The following CDH4 variants were observed in gnomAD, a reference collection of about 807,000 sequenced individuals.
CDH4 encodes the protein cadherin 4.
CDH4 carries 33 observed loss-of-function variants against 86.0 expected under a neutral mutation model. The ratio of observed to expected loss-of-function variants is 0.38; its 90% CI spans 0.29 to 0.51. CDH4 has a LOEUF of 0.51. CDH4 is among the 20% of genes least tolerant of loss of function. The pLI is 0.86. For synonymous variants in CDH4, 555 were observed against 549.4 expected (o/e 1.01, Z -0.14); for missense variants, 1,114 against 1,307.4 (o/e 0.85, Z 2.28).
chr20:61,635,113 C>A (rs879676196), intron 2 of CDH4, among the ~76,000 whole-genome samples: 17 of 152,204 alleles, frequency 1.1e-4, no homozygotes, highest in Non-Finnish European at 2.2e-4. Context: ...GGGGTGCAGA[C>A]CTCTCTTCGG....
chr20:61,624,632 C>T (rs2086811645), intron 2 of CDH4, among the ~76,000 whole-genome samples: 1 of 152,156 alleles, frequency 6.6e-6, no homozygotes, highest in South Asian at 2.1e-4. Flanking sequence ...ATGACAGGGA[C>T]AAAGAGAGGA....
chr20:61,692,203 GTATGTC>G (rs1265016630), intron 2 of CDH4, among the ~76,000 whole-genome samples: 1 of 149,148 alleles, frequency 6.7e-6, no homozygotes, highest in African/African-American at 2.5e-5. Flanking sequence ...ATGTTTGTGT[GTATGTC>G]TATGTATGTA....
At chr20:61,336,892 T>C (rs1234543646) in intron 2 of CDH4, among the ~76,000 whole-genome samples, 1 of 152,134 alleles carries the variant, frequency 6.6e-6, no homozygotes, top group Non-Finnish European at 1.5e-5. Flanking sequence ...CCAGTCTCTC[T>C]CAGGGGAAAG....
At chr20:61,788,588 G>C (rs916315684) in intron 4 of CDH4, among the ~76,000 whole-genome samples, 1 of 152,206 alleles carries the variant, frequency 6.6e-6, no homozygotes. Flanking sequence ...AGCCCTCCTG[G>C]GCTCCCAGCC....
At chr20:61,300,429 G>A (rs531588637) in intron 2 of CDH4, among the ~76,000 whole-genome samples, 1 of 152,128 alleles carries the variant, frequency 6.6e-6, no homozygotes, top group Non-Finnish European at 1.5e-5. Flanking sequence ...CCGGCACAGG[G>A]CACTCTCTGC....
chr20:61,574,368 A>G (rs2086366976), intron 2 of CDH4, among the ~76,000 whole-genome samples: 1 of 152,192 alleles, frequency 6.6e-6, no homozygotes. Context: ...AATGAAGTGG[A>G]CGTAGGCATC....
At chr20:61,766,608 G>C (rs1231555772) in intron 3 of CDH4, among the ~76,000 whole-genome samples, 1 of 152,166 alleles carries the variant, frequency 6.6e-6, no homozygotes, top group Non-Finnish European at 1.5e-5. Context: ...TGAGATCGGG[G>C]ATGAAATAAA....
chr20:61,714,669 C>T lies in CDH4; in HGVS notation c.170-28894C>T, dbSNP rs925869121. On this transcript the variant is annotated intron_variant, in intron 2 of 15. Transcript: ENST00000614565. ...GTGAGGACATGGAATATTTGGTTTT[C>T]CATTCCTGAGTTACTTCACTTAGAA... 2.0e-5 allele frequency among the ~76,000 whole-genome samples: 3 copies of T among 152,190 alleles called. No individual in the cohort carries two copies. In the South Asian group the frequency reaches 6.2e-4, roughly 32 times the overall value.
At chr20:61,565,271 C>CTTGGTGATGGTGGTCGCGGTG (rs2086276054) in intron 2 of CDH4, among the ~76,000 whole-genome samples, 1 of 56,506 alleles carries the variant, frequency 1.8e-5, no homozygotes, top group African/African-American at 8.9e-5. Context: ...TGGTGGTGGT[C>CTTGGTGATGGTGGTCGCGGTG]CTCTTGGTGA....
At chr20:61,599,693 T>C (rs1222783916) in intron 2 of CDH4, 4 of 464,488 alleles carry the variant, frequency 8.6e-6, no homozygotes, top group Non-Finnish European at 1.1e-5. Flanking sequence ...TCGCGTGGTC[T>C]CTGCGTCTGG....
intron 2 of CDH4, among the ~76,000 whole-genome samples, chr20:61,381,141 A>G (rs2084898477): frequency 6.6e-6 from 1 of 152,228 alleles, no homozygotes; most frequent in African/African-American, 2.4e-5. Flanking sequence ...TGTATGGAGT[A>G]GTGATCTCGA....
chr20:61,489,139 C>T (rs1420539497), intron 2 of CDH4, among the ~76,000 whole-genome samples: 3 of 152,242 alleles, frequency 2.0e-5, no homozygotes, highest in East Asian at 1.9e-4. Flanking sequence ...TAACACGAGT[C>T]GCCTCTTCTC....
intron 2 of CDH4, among the ~76,000 whole-genome samples, chr20:61,386,778 G>A (rs1181509657): frequency 2.6e-5 from 4 of 152,242 alleles, no homozygotes; most frequent in Admixed American, 6.5e-5. Context: ...TGCTGTCCTC[G>A]ATATTTTGTG....
At chr20:61,465,420 C>T (rs1454705655) in intron 2 of CDH4, among the ~76,000 whole-genome samples, 2 of 151,520 alleles carry the variant, frequency 1.3e-5, no homozygotes, top group East Asian at 1.9e-4. Context: ...GAAATGTTTT[C>T]TAGCAAGTTT....
chr20:61,829,670 C>T lies in CDH4; in HGVS notation c.577-14998C>T, dbSNP rs527928514. Among the ~76,000 whole-genome samples the T allele has an allele frequency of 3.9e-5, 6 of 152,272 alleles. No homozygotes were observed. In the South Asian group the frequency reaches 8.3e-4, roughly 21 times the overall value. ...TTAAATACGGACTCACCACTGGGGACGGACTTGGACTCCAGGAGCCCCCAG... is the reference window on the plus strand; with the variant it reads ...TTAAATACGGACTCACCACTGGGGATGGACTTGGACTCCAGGAGCCCCCAG... On this transcript the variant is annotated intron_variant, in intron 4 of 15. Coordinates refer to ENST00000614565, the MANE Select transcript of CDH4 (RefSeq NM_001794.5). The surrounding 1 kb of genome is among the most constrained non-coding windows in gnomAD (Gnocchi z 4.2).
intron 2 of CDH4, among the ~76,000 whole-genome samples, chr20:61,294,528 C>A (rs979396496): frequency 6.6e-6 from 1 of 152,212 alleles, no homozygotes; most frequent in Non-Finnish European, 1.5e-5. Context: ...GCTGAGTGGC[C>A]CGGAAAGGCT....
At chr20:61,512,759 G>A (rs544875144) in intron 2 of CDH4, among the ~76,000 whole-genome samples, 3 of 152,206 alleles carry the variant, frequency 2.0e-5, no homozygotes, top group Non-Finnish European at 4.4e-5. Context: ...TGACAAGCAC[G>A]CACATCCCAG....
At position 61,300,866 on chromosome 20, in the gene CDH4, C is replaced by T. The variant is rs542952430; in HGVS notation, c.169+45929C>T. ...CCCTGGGAAACAAACCCACCTCCTC[C>T]TCCTCACCCTTCCTTTTGGAGCAGT... On this transcript the variant is annotated intron_variant, in intron 2 of 15. Coordinates refer to ENST00000614565, the MANE Select transcript of CDH4 (RefSeq NM_001794.5). 3.7e-4 allele frequency among the ~76,000 whole-genome samples: 57 copies of T among 152,322 alleles called. No individual in the cohort carries two copies. In the South Asian group the frequency reaches 0.011, roughly 29 times the overall value.
chr20:61,690,618 C>T (rs912054504), intron 2 of CDH4, among the ~76,000 whole-genome samples: 29 of 152,086 alleles, frequency 1.9e-4, no homozygotes, highest in African/African-American at 6.8e-4. Flanking sequence ...GTGCTCTGAG[C>T]GTTGGACCTG....
Sources: allele counts gnomAD v4.1 joint callset (sites outside exome capture counted in the v4.1 genomes callset), GRCh38; gene constraint gnomAD v4.1.1; non-coding constraint Gnocchi (gnomAD v3.1); transcripts MANE v1.5; gene names NCBI Gene and HGNC (gene_info 2026-07-23, HGNC 2026-07-21).